Variants in SLC4A5 observed in about 807,000 individuals in gnomAD.
The protein encoded by SLC4A5 is electrogenic sodium bicarbonate cotransporter 4.
A neutral mutation model predicts 120.4 loss-of-function variants in SLC4A5; 96 were observed. The observed-to-expected ratio is 0.80, with a 90% CI of 0.68 to 0.94. The LOEUF (loss-of-function observed/expected upper bound fraction) is 0.94. Among genes scored for constraint, SLC4A5 ranks in the 40% least tolerant of loss-of-function variants. The pLI, the probability that SLC4A5 is intolerant of heterozygous loss-of-function variation, is 0.00. For synonymous variants in SLC4A5, 550 were observed against 571.1 expected (o/e 0.96, Z 0.53); for missense variants, 1,259 against 1,459.5 (o/e 0.86, Z 2.24).
At chr2:74,235,711 T>C (rs985038078) in intron 21 of SLC4A5, among the ~76,000 whole-genome samples, 2 of 152,192 alleles carry the variant, frequency 1.3e-5, no homozygotes, top group Non-Finnish European at 2.9e-5. Context: ...CTGGGGATCA[T>C]TGGCTACACT....
intron 19 of SLC4A5, among the ~76,000 whole-genome samples, chr2:74,245,790 G>A (rs1338929171): frequency 1.3e-5 from 2 of 152,170 alleles, no homozygotes; most frequent in East Asian, 3.8e-4. Context: ...AAATATTTTC[G>A]ATTGACTTAT....
chr2:74,262,686 G>A (rs1374693615), intron 10 of SLC4A5, among the ~76,000 whole-genome samples: 1 of 150,350 alleles, frequency 6.7e-6, no homozygotes, highest in Non-Finnish European at 1.5e-5. Context: ...GTGACAGAGT[G>A]AGACTCCGTC....
intron 7 of SLC4A5, among the ~76,000 whole-genome samples, chr2:74,293,664 C>T (rs114386976): frequency 2.7e-4 from 41 of 152,284 alleles, no homozygotes; most frequent in African/African-American, 6.7e-4. Flanking sequence ...CACTTGAGCC[C>T]GGCTCTTCGT....
intron 16 of SLC4A5, chr2:74,250,761 G>C: frequency 2.1e-6 from 1 of 485,072 alleles, no homozygotes; most frequent in Non-Finnish European, 3.7e-6. Flanking sequence ...AAAGTCTGAT[G>C]GGAATATGTC....
chr2:74,329,116 G>A (rs1472640106), intron 4 of SLC4A5, among the ~76,000 whole-genome samples: 1 of 152,180 alleles, frequency 6.6e-6, no homozygotes, highest in Non-Finnish European at 1.5e-5. Context: ...GAATGATGGA[G>A]AAAATGATAG....
At chr2:74,222,760 C>G in intron 29 of SLC4A5, 108 bp downstream of exon 29, 1 of 1,038,512 alleles carries the variant, frequency 9.6e-7, no homozygotes, top group South Asian at 1.3e-5. Context: ...GACTGCTGCT[C>G]TAGCATCCAA....
chr2:74,306,850 A>G, intron 6 of SLC4A5: 2 of 642,268 alleles, frequency 3.1e-6, no homozygotes, highest in Non-Finnish European at 5.7e-6. Context: ...CCAAGATTGA[A>G]GTCCTTGCCA....
intron 5 of SLC4A5, among the ~76,000 whole-genome samples, chr2:74,327,334 G>C (rs1558915838): frequency 6.6e-6 from 1 of 152,136 alleles, no homozygotes; most frequent in Non-Finnish European, 1.5e-5. Flanking sequence ...ACAGCCCAGA[G>C]TATTTCAGAA....
At chr2:74,326,602 C>T (rs890117395) in intron 5 of SLC4A5, among the ~76,000 whole-genome samples, 1 of 152,104 alleles carries the variant, frequency 6.6e-6, no homozygotes, top group Non-Finnish European at 1.5e-5. Flanking sequence ...GGGCAGATCA[C>T]GAGGTCAGGA....
At chr2:74,301,333 C>A (rs764909260) in intron 7 of SLC4A5, among the ~76,000 whole-genome samples, 12 of 152,214 alleles carry the variant, frequency 7.9e-5, no homozygotes, top group Admixed American at 3.3e-4. Flanking sequence ...AAGGCAGGAA[C>A]TGAAGGGGTC....
At chr2:74,331,505 A>G (rs1160719557) in intron 4 of SLC4A5, among the ~76,000 whole-genome samples, 2 of 151,816 alleles carry the variant, frequency 1.3e-5, no homozygotes, top group African/African-American at 2.4e-5. Flanking sequence ...TGTTGTTGCT[A>G]TTATGCTGAT....
At chr2:74,266,856 C>G (rs971432639) in intron 8 of SLC4A5, among the ~76,000 whole-genome samples, 6 of 151,952 alleles carry the variant, frequency 3.9e-5, no homozygotes, top group African/African-American at 1.4e-4. Context: ...TAAATGAAAA[C>G]TTCTATATAG....
chr2:74,259,986 G>A (rs1396034620), intron 11 of SLC4A5, among the ~76,000 whole-genome samples: 2 of 152,160 alleles, frequency 1.3e-5, no homozygotes, highest in Admixed American at 6.5e-5. Context: ...GGACACAGAC[G>A]CATTATTAGG....
chr2:74,291,345 A>G (rs1409013063), intron 7 of SLC4A5, among the ~76,000 whole-genome samples: 1 of 152,234 alleles, frequency 6.6e-6, no homozygotes, highest in Non-Finnish European at 1.5e-5. Flanking sequence ...GAATGTGCCA[A>G]GGTTGATTGG....
rs116138090 is a variant in SLC4A5, at chr2:74,280,088, C to T, written c.401+5685G>A. 3.3e-3 allele frequency among the ~76,000 whole-genome samples: 509 copies of T among 152,276 alleles called. 10 individuals carry two copies. The highest frequency in any genetic ancestry group is 0.011 in the African/African-American group (476 of 41,558). ...TGTGGTCCTCTGAAGCTCTCAGCAC[C>T]AAGTTCCAACACTGCAACATGGCTG... On this transcript the variant is annotated intron_variant, in intron 8 of 30. Coordinates refer to ENST00000394019, the Ensembl canonical transcript of SLC4A5.
intron 5 of SLC4A5, among the ~76,000 whole-genome samples, chr2:74,315,799 C>A (rs915179897): frequency 6.7e-6 from 1 of 150,338 alleles, no homozygotes; most frequent in East Asian, 2.0e-4. Flanking sequence ...TCTATCTCTA[C>A]GAAAAAGAAA....
intron 19 of SLC4A5, among the ~76,000 whole-genome samples, chr2:74,244,542 TTCC>T (rs763818298): frequency 6.6e-6 from 1 of 151,474 alleles, no homozygotes; most frequent in Non-Finnish European, 1.5e-5. Flanking sequence ...TTTTCTCTCT[TTCC>T]TCCTCTTCTC....
At chr2:74,318,220 A>G (rs555397365) in intron 5 of SLC4A5, among the ~76,000 whole-genome samples, 54 of 152,362 alleles carry the variant, frequency 3.5e-4, no homozygotes, top group Admixed American at 1.6e-3. Context: ...AAAGAAAAAA[A>G]CAAATAACCC....
intron 22 of SLC4A5, among the ~76,000 whole-genome samples, 189 bp from the exon 23 acceptor site, chr2:74,233,752 T>C (rs116759374): frequency 1.0e-3 from 152 of 152,330 alleles, no homozygotes; most frequent in Non-Finnish European, 1.9e-3. Context: ...GGAGCATGCA[T>C]GCAGACAGTG....
Sources: gnomAD v4.1 joint callset for allele counts (sites outside exome capture counted in the v4.1 genomes callset) on GRCh38, gnomAD v4.1.1 for gene constraint, MANE v1.5 for transcripts, NCBI Gene and HGNC (gene_info 2026-07-23, HGNC 2026-07-21) for gene names.